Variants in CNTLN observed in about 807,000 individuals in gnomAD.
CNTLN encodes centlein, also known as centlein, centrosomal protein.
In CNTLN, 212 loss-of-function variants were observed where a neutral mutation model predicts 180.0. That is an observed-to-expected ratio of 1.18 (90% CI 1.05 to 1.32). The LOEUF (loss-of-function observed/expected upper bound fraction) is 1.32. CNTLN is among the 40% of genes most tolerant of loss of function. The pLI, the probability that CNTLN is intolerant of heterozygous loss-of-function variation, is 0.00. For missense variants in CNTLN, 2,095 were observed against 1,610.9 expected (o/e 1.30, Z -5.14); for synonymous variants, 722 against 563.1 (o/e 1.28, Z -3.99).
At chr9:17,451,252 C>G (rs1377559573) in intron 18 of CNTLN, among the ~76,000 whole-genome samples, 7 of 152,102 alleles carry the variant, frequency 4.6e-5, no homozygotes, top group African/African-American at 1.4e-4. Flanking sequence ...AGAATTTTCT[C>G]TCCAGTCTCA....
rs952672322 is a variant in CNTLN at position 17,252,788 on chromosome 9, T to G, written c.849+16200T>G. Among the ~76,000 whole-genome samples, 8 of 151,832 alleles carry G rather than the reference T, an allele frequency of 5.3e-5. 1 individual carries two copies. In the South Asian group the frequency reaches 1.4e-3, roughly 27 times the overall value. On this transcript the variant is annotated intron_variant, in intron 5 of 25. Transcript: ENST00000380647. Reference sequence around the variant, plus strand: ...TATTTAATATAGTTCCATTTCTCTATTTTTATTTTTGTTGCCTGTGCTTTT... The same window carrying G: ...TATTTAATATAGTTCCATTTCTCTAGTTTTATTTTTGTTGCCTGTGCTTTT...
chr9:17,152,872 A>C (rs1271899177), intron 2 of CNTLN, among the ~76,000 whole-genome samples: 1 of 152,098 alleles, frequency 6.6e-6, no homozygotes, highest in Non-Finnish European at 1.5e-5. Flanking sequence ...TATTTAGGAT[A>C]GTTCACTCTT....
chr9:17,342,439 T>C lies in CNTLN; in HGVS notation c.1881T>C (p.Ile627=), dbSNP rs1256630543. The C allele has an allele frequency of 6.3e-7, 1 of 1,596,876 alleles. No individual in the cohort carries two copies. Among genetic ancestry groups the C allele is most frequent in the Admixed American group, 1.8e-5 (1 of 56,476 alleles). Residue 627 remains isoleucine, a synonymous_variant, in exon 12 of 26, where the codon ATT becomes ATC. Transcript: ENST00000380647. ...YFKRENQELM[I]QKMNLEEELD... Reference sequence around the variant, plus strand: ...AAAGGGAAAACCAGGAGCTAATGATTCAAAAGTGAGTTTCATTTTTAACAA... The same window carrying C: ...AAAGGGAAAACCAGGAGCTAATGATCCAAAAGTGAGTTTCATTTTTAACAA...
chr9:17,467,193 C>T (rs1460840353), intron 23 of CNTLN, among the ~76,000 whole-genome samples: 3 of 151,476 alleles, frequency 2.0e-5, no homozygotes, highest in Non-Finnish European at 4.4e-5. Context: ...TGTTCCCACC[C>T]TACTCTCCTT....
intron 2 of CNTLN, among the ~76,000 whole-genome samples, chr9:17,216,689 T>G (rs1430976434): frequency 1.3e-5 from 2 of 152,218 alleles, no homozygotes; most frequent in East Asian, 3.8e-4. Context: ...TCTGTAAGTT[T>G]ATGTTATATT....
At chr9:17,454,733 C>T (rs1831010903) in intron 18 of CNTLN, among the ~76,000 whole-genome samples, 1 of 152,136 alleles carries the variant, frequency 6.6e-6, no homozygotes, top group Non-Finnish European at 1.5e-5. Flanking sequence ...GGTAGACAAG[C>T]ACCATCTCTT....
the CNTLN span, among the ~76,000 whole-genome samples, chr9:17,525,075 A>G: frequency 2.0e-5 from 3 of 152,158 alleles, no homozygotes; most frequent in Non-Finnish European, 4.4e-5. Context: ...ACATTTTACT[A>G]ATTTGTTTCA....
At chr9:17,324,341 A>T (rs534635479) in intron 8 of CNTLN, among the ~76,000 whole-genome samples, 2 of 152,326 alleles carry the variant, frequency 1.3e-5, no homozygotes, top group East Asian at 3.9e-4. Context: ...TGTGAGGCTT[A>T]TAACATATTT....
chr9:17,155,348 C>G lies in CNTLN; in HGVS notation c.449+11972C>G, dbSNP rs182048197. Among the ~76,000 whole-genome samples, 823 of 152,322 alleles carry G rather than the reference C, an allele frequency of 5.4e-3. 6 individuals are homozygous for G. Among genetic ancestry groups the G allele is most frequent in the Admixed American group, 8.0e-3 (123 of 15,294 alleles). ...AGGAGGCAGACTGACCCTTAGCAGA[C>G]CTGGAATGCTGTGCTGGGAGGTCCG... On this transcript the variant is annotated intron_variant, in intron 2 of 25. Transcript: ENST00000380647.
At chr9:17,368,403 C>G (rs918561044) in intron 13 of CNTLN, among the ~76,000 whole-genome samples, 1 of 152,172 alleles carries the variant, frequency 6.6e-6, no homozygotes, top group South Asian at 2.1e-4. Flanking sequence ...TCTGGACCCA[C>G]CCAGGGCTGG....
At chr9:17,479,810 A>T (rs28777683) in intron 23 of CNTLN, among the ~76,000 whole-genome samples, 4,801 of 152,244 alleles carry the variant, frequency 0.032, 260 homozygotes, top group African/African-American at 0.11. Context: ...CTATAATATA[A>T]ATAATAGAGC....
intron 15 of CNTLN, among the ~76,000 whole-genome samples, chr9:17,403,106 G>A (rs1056010371): frequency 9.2e-5 from 14 of 151,840 alleles, no homozygotes; most frequent in African/African-American, 3.4e-4. Flanking sequence ...AGGTCTGTGG[G>A]AAGGTTGGTG....
At chr9:17,405,494 G>A (rs1037279221) in intron 15 of CNTLN, among the ~76,000 whole-genome samples, 1 of 151,660 alleles carries the variant, frequency 6.6e-6, no homozygotes, top group African/African-American at 2.4e-5. Context: ...GCAAGAGGGG[G>A]CCAAATTTGC....
rs78386224 is a variant in CNTLN, at chr9:17,221,454, A to G, written c.450-4749A>G. On this transcript the variant is annotated intron_variant, in intron 2 of 25. Coordinates refer to ENST00000380647, the MANE Select transcript of CNTLN (RefSeq NM_017738.4). The stretch of plus-strand genomic sequence containing the variant: ...ACATAATGGATTGCAATTATGTATT[A>G]AATGTACTATTAACGTATGGTAAGT... Among the ~76,000 whole-genome samples, 230 of 152,266 alleles carry G rather than the reference A, an allele frequency of 1.5e-3. 2 individuals are homozygous for G. The highest frequency in any genetic ancestry group is 5.3e-3 in the African/African-American group (219 of 41,572).
intron 3 of CNTLN, among the ~76,000 whole-genome samples, chr9:17,229,587 A>C (rs1300516475): frequency 6.6e-6 from 1 of 152,084 alleles, no homozygotes; most frequent in Admixed American, 6.6e-5. Context: ...TCTGGGGATC[A>C]TAGTATTTTC....
intron 2 of CNTLN, among the ~76,000 whole-genome samples, chr9:17,209,503 A>C (rs1026200134): frequency 6.6e-6 from 1 of 152,168 alleles, no homozygotes; most frequent in South Asian, 2.1e-4. Context: ...ATTCTGTCTA[A>C]TGCTGGAAGT....
chr9:17,478,584 T>C (rs1588083031), intron 23 of CNTLN, among the ~76,000 whole-genome samples: 1 of 152,130 alleles, frequency 6.6e-6, no homozygotes, highest in East Asian at 1.9e-4. Context: ...GACTCCCGAC[T>C]CCTGGACTCA....
rs137900349 is a variant in CNTLN at position 17,241,147 on chromosome 9, C to T, written c.849+4559C>T. On this transcript the variant is annotated intron_variant, in intron 5 of 25. Coordinates refer to ENST00000380647, the MANE Select transcript of CNTLN (RefSeq NM_017738.4). ...TGCTGGGATTACAGGCGTGAGCCAC[C>T]GCAGCCAGCCTGCAGTGTTTTCTTT... 2.0e-3 allele frequency among the ~76,000 whole-genome samples: 309 copies of T among 152,236 alleles called. 2 individuals carry two copies. The highest frequency in any genetic ancestry group is 5.8e-3 in the African/African-American group (243 of 41,548).
chr9:17,372,642 T>A (rs1824421954), intron 13 of CNTLN, among the ~76,000 whole-genome samples: 1 of 152,110 alleles, frequency 6.6e-6, no homozygotes, highest in African/African-American at 2.4e-5. Flanking sequence ...CAGTATTAGC[T>A]TGATACCAAA....
Sources: gnomAD v4.1 joint callset for allele counts (sites outside exome capture counted in the v4.1 genomes callset) on GRCh38, gnomAD v4.1.1 for gene constraint, MANE v1.5 for transcripts, NCBI Gene and HGNC (gene_info 2026-07-23, HGNC 2026-07-21) for gene names.